Variants in THSD7B observed in about 807,000 individuals in gnomAD.
THSD7B encodes thrombospondin type 1 domain containing 7B, also known as thrombospondin type-1 domain-containing protein 7B.
A neutral mutation model predicts 213.6 loss-of-function variants in THSD7B; 138 were observed. The ratio of observed to expected loss-of-function variants is 0.65; its 90% CI spans 0.56 to 0.74. THSD7B has a LOEUF of 0.74. THSD7B is among the 30% of genes least tolerant of loss of function. THSD7B has a pLI of 0.00. For synonymous variants in THSD7B, 742 were observed against 687.0 expected (o/e 1.08, Z -1.25); for missense variants, 1,931 against 1,991.5 (o/e 0.97, Z 0.58).
chr2:136,770,694 A>C (rs1482876034), intron 1 of THSD7B, among the ~76,000 whole-genome samples: 2 of 152,196 alleles, frequency 1.3e-5, no homozygotes, highest in Non-Finnish European at 2.9e-5. Context: ...AAATATTTTA[A>C]ATATTATCCC....
chr2:137,270,505 A>G (rs1259738672), intron 10 of THSD7B, among the ~76,000 whole-genome samples: 1 of 152,240 alleles, frequency 6.6e-6, no homozygotes, highest in Non-Finnish European at 1.5e-5. Flanking sequence ...TCCTTCTCAG[A>G]AACAAAAGGA....
At chr2:137,218,008 G>A (rs1417611060) in intron 7 of THSD7B, among the ~76,000 whole-genome samples, 1 of 152,060 alleles carries the variant, frequency 6.6e-6, no homozygotes, top group Non-Finnish European at 1.5e-5. Flanking sequence ...CTTTTAATCA[G>A]TAGGCCAGAT....
At chr2:136,993,091 A>C (rs1685818061) in intron 2 of THSD7B, among the ~76,000 whole-genome samples, 1 of 152,240 alleles carries the variant, frequency 6.6e-6, no homozygotes, top group African/African-American at 2.4e-5. Context: ...AGCCACCTGA[A>C]TGATTCATAA....
At chr2:136,807,181 T>C (rs748961587) in intron 1 of THSD7B, among the ~76,000 whole-genome samples, 5 of 152,166 alleles carry the variant, frequency 3.3e-5, no homozygotes, top group African/African-American at 4.8e-5. Flanking sequence ...AGTCACTAAG[T>C]AGAGCCCAAA....
intron 15 of THSD7B, among the ~76,000 whole-genome samples, chr2:137,507,461 A>G (rs1679861852): frequency 6.6e-6 from 1 of 152,190 alleles, no homozygotes; most frequent in Non-Finnish European, 1.5e-5. Flanking sequence ...TCAGATTCAG[A>G]GCTGTCCTGT....
At chr2:136,964,437 AAAAGG>A (rs1685280001) in intron 2 of THSD7B, among the ~76,000 whole-genome samples, 1 of 152,168 alleles carries the variant, frequency 6.6e-6, no homozygotes, top group Admixed American at 6.5e-5. Context: ...AAAAATAAAT[AAAAGG>A]AAAGAGCAGA....
chr2:137,090,546 C>T (rs1408434034), intron 3 of THSD7B, among the ~76,000 whole-genome samples: 1 of 152,072 alleles, frequency 6.6e-6, no homozygotes, highest in Non-Finnish European at 1.5e-5. Flanking sequence ...GTAAGAATTA[C>T]TAGCGTAATT....
chr2:136,844,462 C>CAGAGAGAGAGAGAGAGAGACAGAGAGAG (rs1682968568), intron 1 of THSD7B, among the ~76,000 whole-genome samples: 1 of 142,518 alleles, frequency 7.0e-6, no homozygotes, highest in Non-Finnish European at 1.5e-5. Context: ...CCACCCAAAA[C>CAGAGAGAGAGAGAGAGAGACAGAGAGAG]AGAGAGAGAG....
At chr2:136,931,657 TAATAG>T (rs1371441599) in intron 2 of THSD7B, among the ~76,000 whole-genome samples, 4 of 152,140 alleles carry the variant, frequency 2.6e-5, no homozygotes, top group African/African-American at 4.8e-5. Flanking sequence ...CTTTACCTCC[TAATAG>T]ATGTCACGAA....
intron 2 of THSD7B, among the ~76,000 whole-genome samples, chr2:137,051,631 A>G (rs1276879316): frequency 2.6e-5 from 4 of 152,174 alleles, no homozygotes; most frequent in Non-Finnish European, 5.9e-5. Context: ...CTGCATCATT[A>G]TTCATGTCAT....
At chr2:137,021,891 C>T (rs1686451792) in intron 2 of THSD7B, among the ~76,000 whole-genome samples, 1 of 152,174 alleles carries the variant, frequency 6.6e-6, no homozygotes, top group Non-Finnish European at 1.5e-5. Flanking sequence ...TTTCTTGGTA[C>T]TGATCTGGGT....
At chr2:136,800,120 G>T (rs1190569216) in intron 1 of THSD7B, among the ~76,000 whole-genome samples, 1 of 151,774 alleles carries the variant, frequency 6.6e-6, no homozygotes, top group Non-Finnish European at 1.5e-5. Context: ...TTAAAGAAAC[G>T]CTAATTGGTT....
At chr2:137,509,533 C>A (rs1218734687) in intron 15 of THSD7B, among the ~76,000 whole-genome samples, 1 of 151,912 alleles carries the variant, frequency 6.6e-6, no homozygotes, top group Admixed American at 6.6e-5. Flanking sequence ...TGGTCATTAT[C>A]TGTATATTTT....
chr2:137,045,856 G>A (rs1230386287), intron 2 of THSD7B, among the ~76,000 whole-genome samples: 2 of 152,062 alleles, frequency 1.3e-5, no homozygotes, highest in Non-Finnish European at 2.9e-5. Context: ...GATCTATAGA[G>A]TTGCAACAAA....
rs969498643 is a variant in THSD7B, at chr2:136,882,259, G to C, written c.81G>C (p.Leu27Phe). 6.5e-7 allele frequency: 1 copy of C among 1,544,902 alleles called. No individual in the cohort carries two copies. The highest frequency in any genetic ancestry group is 1.4e-5 in the African/African-American group (1 of 72,616). The change falls in exon 2 of 28, where the codon TTG becomes TTC. Residue 27 changes from leucine (L) to phenylalanine (F), a missense_variant. Transcript: ENST00000409968. ...AGCTCTTTCTATTGCTTTCTCTCTT[G>C]CTGTCCCATGCAGCTCATTTGGAAG... ...MRKLFLLLSL[L>F]LSHAAHLEGK... is the part of the protein sequence containing the mutation.
At chr2:137,394,637 C>A (rs1237623461) in intron 12 of THSD7B, among the ~76,000 whole-genome samples, 1 of 127,282 alleles carries the variant, frequency 7.9e-6, no homozygotes, top group Non-Finnish European at 1.7e-5. Flanking sequence ...ATTGCCTTGG[C>A]GATGCGGGCT....
intron 18 of THSD7B, among the ~76,000 whole-genome samples, chr2:137,616,719 C>T (rs938041607): frequency 1.3e-5 from 2 of 152,264 alleles, no homozygotes; most frequent in African/African-American, 2.4e-5. Flanking sequence ...TTGTGAGGTA[C>T]TTTCTGTATG....
Position 137,621,280 on chromosome 2 carries a change from C to T in THSD7B, c.3799+554C>T, listed in dbSNP as rs74472764. ...GGTTGGAAGCAGCATACATCTCTTACATATATATTAGACAAAATTGCTCTA... is the reference window on the plus strand; with the variant it reads ...GGTTGGAAGCAGCATACATCTCTTATATATATATTAGACAAAATTGCTCTA... On this transcript the variant is annotated intron_variant, in intron 20 of 27. Transcript: ENST00000409968. Among the ~76,000 whole-genome samples the T allele has an allele frequency of 4.5e-4, 68 of 152,256 alleles. 1 individual carries two copies. The East Asian group carries it at 0.012, about 26-fold the overall frequency.
intron 9 of THSD7B, 33 bp downstream of exon 9, chr2:137,233,166 G>C: frequency 6.4e-7 from 1 of 1,567,112 alleles, no homozygotes. Flanking sequence ...AAATGCATTT[G>C]CTTATTTCAT....
Sources: allele counts gnomAD v4.1 joint callset (sites outside exome capture counted in the v4.1 genomes callset), GRCh38; gene constraint gnomAD v4.1.1; transcripts MANE v1.5; gene names NCBI Gene and HGNC (gene_info 2026-07-23, HGNC 2026-07-21).